The following ZC3H3 variants were observed in gnomAD, a reference collection of about 807,000 sequenced individuals.
The protein encoded by ZC3H3 is zinc finger CCCH-type containing 3.
In ZC3H3, 36 loss-of-function variants were observed where a neutral mutation model predicts 77.3. That is an observed-to-expected ratio of 0.47 (90% CI 0.36 to 0.61). The LOEUF (loss-of-function observed/expected upper bound fraction) is 0.61. ZC3H3 is among the 20% of genes least tolerant of loss of function. ZC3H3 has a pLI of 0.00. For synonymous variants in ZC3H3, 626 were observed against 555.2 expected (o/e 1.13, Z -1.79); for missense variants, 1,331 against 1,312.2 (o/e 1.01, Z -0.22).
intron 3 of ZC3H3, chr8:143,523,460 TC>T (rs1265476607): frequency 1.0e-6 from 1 of 985,184 alleles, no homozygotes; most frequent in Admixed American, 6.2e-5. Flanking sequence ...TTTGCAGCCA[TC>T]TTGGAAGACA....
Position 143,462,680 on chromosome 8 carries a change from A to C in ZC3H3, c.2307+3037T>G, listed in dbSNP as rs1371710797. ...CTGCAGACAGGCACCAACCACACACAGGGTGTGGGGAAAACGGCAGCGCGG... is the reference window on the plus strand; with the variant it reads ...CTGCAGACAGGCACCAACCACACACCGGGTGTGGGGAAAACGGCAGCGCGG... On this transcript the variant is annotated intron_variant, in intron 9 of 11. Transcript: ENST00000262577. This position sits in a 1 kb window ranked among gnomAD's most constrained non-coding sequence, Gnocchi z 4.7. 6.6e-6 allele frequency among the ~76,000 whole-genome samples: 1 copy of C among 152,172 alleles called. No homozygotes were observed. The highest frequency in any genetic ancestry group is 1.9e-4 in the East Asian group (1 of 5,192).
chr8:143,477,596 A>G (rs1454199825), intron 4 of ZC3H3, among the ~76,000 whole-genome samples: 1 of 152,174 alleles, frequency 6.6e-6, no homozygotes, highest in Non-Finnish European at 1.5e-5. Flanking sequence ...GCCTGGAGGG[A>G]GGCAGGCCAG....
At chr8:143,539,829 G>A (rs1336330828) in intron 1 of ZC3H3, among the ~76,000 whole-genome samples, 1 of 152,224 alleles carries the variant, frequency 6.6e-6, no homozygotes, top group South Asian at 2.1e-4. Context: ...AGGAGCAGAG[G>A]CCATTGCTCT....
chr8:143,536,461 G>T lies in ZC3H3; in HGVS notation c.1365-8C>A. On this transcript the variant is annotated splice_region_variant and splice_polypyrimidine_tract_variant and intron_variant, in intron 2 of 11. Transcript: ENST00000262577. ...TTCTTGTCTCCAGGAAGGCTGTGGAGACAAAATACAGGCAGCTCTCAACAA... is the reference window on the plus strand; with the variant it reads ...TTCTTGTCTCCAGGAAGGCTGTGGATACAAAATACAGGCAGCTCTCAACAA... The T allele has an allele frequency of 6.7e-7, 1 of 1,490,150 alleles. No individual in the cohort carries two copies. 92.3% of individuals were successfully genotyped at this position (1,490,150 alleles called of 1,614,324 possible).
At chr8:143,486,359 C>T (rs1316503739) in intron 4 of ZC3H3, among the ~76,000 whole-genome samples, 2 of 152,256 alleles carry the variant, frequency 1.3e-5, no homozygotes, top group East Asian at 1.9e-4. Context: ...CGCACCGAGG[C>T]TCTGGCAAGG....
chr8:143,522,909 G>C lies in ZC3H3; in HGVS notation c.1561+13348C>G, dbSNP rs1239733222. 3.4e-5 allele frequency among the ~76,000 whole-genome samples: 5 copies of C among 148,934 alleles called. No homozygotes were observed. In the Admixed American group the frequency reaches 3.4e-4, roughly 10 times the overall value. On this transcript the variant is annotated intron_variant, in intron 3 of 11. Coordinates refer to ENST00000262577, the MANE Select transcript of ZC3H3 (RefSeq NM_015117.3). ...CACTCCAGCCTTGGTGACAGAGCAAGACCCTGTCTCAAAAAAATATATATA... is the reference window on the plus strand; with the variant it reads ...CACTCCAGCCTTGGTGACAGAGCAACACCCTGTCTCAAAAAAATATATATA...
chr8:143,498,350 G>A (rs778515253), intron 4 of ZC3H3, among the ~76,000 whole-genome samples: 7 of 152,170 alleles, frequency 4.6e-5, no homozygotes, highest in Admixed American at 2.0e-4. Context: ...CTTCTGGCTC[G>A]GGGGGAATCA....
intron 3 of ZC3H3, among the ~76,000 whole-genome samples, chr8:143,512,181 C>T (rs113876816): frequency 2.3e-3 from 348 of 152,360 alleles, no homozygotes; most frequent in Non-Finnish European, 3.8e-3. Context: ...GTGCAGCCCC[C>T]GGGGCCACTG....
chr8:143,476,545 G>A (rs1290671241), intron 4 of ZC3H3, among the ~76,000 whole-genome samples: 1 of 152,136 alleles, frequency 6.6e-6, no homozygotes, highest in Non-Finnish European at 1.5e-5. Context: ...CAGCCCTGCG[G>A]ACCCTCGGGC....
chr8:143,468,605 C>A lies in ZC3H3; in HGVS notation c.1946+12G>T. ...CAGGGAGCCCACCCACTGCCCAGCC[C>A]AAAGGCATTACCTGGCCAGGGAACG... On this transcript the variant is annotated intron_variant, in intron 6 of 11. Transcript: ENST00000262577. 6.4e-7 allele frequency: 1 copy of A among 1,570,274 alleles called. No homozygotes were observed. The highest frequency in any genetic ancestry group is 2.4e-5 in the East Asian group (1 of 42,116).
chr8:143,535,538 C>T (rs948370080), intron 3 of ZC3H3, among the ~76,000 whole-genome samples: 2 of 152,226 alleles, frequency 1.3e-5, no homozygotes, highest in Non-Finnish European at 2.9e-5. Flanking sequence ...CCCACGGTGT[C>T]TGGGGGGTGC....
intron 3 of ZC3H3, among the ~76,000 whole-genome samples, chr8:143,520,941 G>A (rs1205659295): frequency 6.6e-6 from 1 of 152,186 alleles, no homozygotes; most frequent in African/African-American, 2.4e-5. Flanking sequence ...TTTCTGGCCC[G>A]TATACCCAGA....
At chr8:143,513,878 G>A (rs894917626) in intron 3 of ZC3H3, among the ~76,000 whole-genome samples, 1 of 152,202 alleles carries the variant, frequency 6.6e-6, no homozygotes, top group Non-Finnish European at 1.5e-5. Flanking sequence ...GGGGTGGACA[G>A]GGTGGCCCAG....
In ZC3H3 at chr8:143,477,825, C is replaced by T. The variant is rs564744686; in HGVS notation, c.1716-2240G>A. On this transcript the variant is annotated intron_variant, in intron 4 of 11. Coordinates refer to ENST00000262577, the MANE Select transcript of ZC3H3 (RefSeq NM_015117.3). ...TTGGGAGGGTGAGGGGGCTGGTGGC[C>T]AGGGTGCACCCCCCCACCGCAGCAC... Among the ~76,000 whole-genome samples, 26 of 152,036 alleles carry T rather than the reference C, an allele frequency of 1.7e-4. No individual in the cohort carries two copies. In the East Asian group the frequency reaches 4.9e-3, roughly 28 times the overall value.
chr8:143,465,380 A>C (rs1244691288), intron 9 of ZC3H3, among the ~76,000 whole-genome samples: 1 of 151,990 alleles, frequency 6.6e-6, no homozygotes, highest in Non-Finnish European at 1.5e-5. Flanking sequence ...CCTTCACTGC[A>C]CTGCCGCCCC....
At chr8:143,441,219 G>A (rs1257606680) in intron 9 of ZC3H3, 99 bp from the exon 10 acceptor site, 63 of 1,271,768 alleles carry the variant, frequency 5.0e-5, no homozygotes, top group Middle Eastern at 2.8e-4. Flanking sequence ...GAGTACCCAC[G>A]GGGCCCCATA....
Position 143,533,986 on chromosome 8 carries a change from C to T in ZC3H3, c.1561+2271G>A, listed in dbSNP as rs933632382. Among the ~76,000 whole-genome samples the T allele has an allele frequency of 6.6e-6, 1 of 150,726 alleles. No homozygotes were observed. The highest frequency in any genetic ancestry group is 1.5e-5 in the Non-Finnish European group (1 of 67,746). On this transcript the variant is annotated intron_variant, in intron 3 of 11. Coordinates refer to ENST00000262577, the MANE Select transcript of ZC3H3 (RefSeq NM_015117.3). The surrounding 1 kb of genome is among the most constrained non-coding windows in gnomAD (Gnocchi z 4.0). ...CCACCACGCCCAGCCTCACGTTGGT[C>T]TTTAACTATGAGTTTGGCTGGGCAC...
chr8:143,537,484 A>G (rs1369414608), intron 2 of ZC3H3, among the ~76,000 whole-genome samples: 1 of 152,178 alleles, frequency 6.6e-6, no homozygotes, highest in South Asian at 2.1e-4. Flanking sequence ...CTGGAGCCCA[A>G]GCCCTAGACA....
intron 3 of ZC3H3, among the ~76,000 whole-genome samples, chr8:143,531,683 G>A (rs952581759): frequency 5.3e-5 from 8 of 151,990 alleles, no homozygotes; most frequent in Non-Finnish European, 7.4e-5. Context: ...GATAATATGC[G>A]CCAAAATAAA....
Sources: gnomAD v4.1 joint callset for allele counts (sites outside exome capture counted in the v4.1 genomes callset) on GRCh38, gnomAD v4.1.1 for gene constraint, Gnocchi (gnomAD v3.1) non-coding constraint, MANE v1.5 for transcripts, NCBI Gene and HGNC (gene_info 2026-07-23, HGNC 2026-07-21) for gene names.